The following KAZN variants were observed in gnomAD, a reference collection of about 807,000 sequenced individuals.
The protein encoded by KAZN is kazrin.
Under a neutral mutation model 87.4 loss-of-function variants are expected in KAZN, and 40 were observed. The ratio of observed to expected loss-of-function variants is 0.46; its 90% CI spans 0.36 to 0.60. The LOEUF (loss-of-function observed/expected upper bound fraction) is 0.60. Ranked by LOEUF, KAZN falls within the 20% of genes least tolerant of loss-of-function variation. The probability of loss-of-function intolerance (pLI) is 0.00; values close to 1 mark genes in which losing one functional copy is unlikely to be tolerated. For missense variants in KAZN, 898 were observed against 1,073.9 expected, an observed-to-expected ratio of 0.84 and a Z score of 2.29; for synonymous variants, 466 against 458.3, an observed-to-expected ratio of 1.02 and a Z score of -0.22.
chr1:15,019,879 G>A (rs543901370), intron 2 of KAZN, among the ~76,000 whole-genome samples: 13 of 152,278 alleles, frequency 8.5e-5, no homozygotes, highest in African/African-American at 2.6e-4. Context: ...CATTATTAGT[G>A]CTGGGGAAGC....
At chr1:14,925,248 C>T (rs1193052233) in intron 1 of KAZN, among the ~76,000 whole-genome samples, 1 of 152,140 alleles carries the variant, frequency 6.6e-6, no homozygotes, top group Non-Finnish European at 1.5e-5. Flanking sequence ...CTGCCCCTTC[C>T]CCCCAAGTTA....
intron 1 of KAZN, among the ~76,000 whole-genome samples, chr1:14,866,968 T>C (rs1034084687): frequency 6.6e-6 from 1 of 152,248 alleles, no homozygotes; most frequent in Non-Finnish European, 1.5e-5. Flanking sequence ...GTTATTGTCA[T>C]GGCATAAATT....
intron 2 of KAZN, among the ~76,000 whole-genome samples, chr1:14,503,788 C>T (rs1670399257): frequency 6.6e-6 from 1 of 151,998 alleles, no homozygotes; most frequent in Non-Finnish European, 1.5e-5. Flanking sequence ...TTTGATGAAC[C>T]TATGCTAATA....
intron 1 of KAZN, among the ~76,000 whole-genome samples, chr1:13,953,085 T>G (rs1641414299): frequency 6.6e-6 from 1 of 152,102 alleles, no homozygotes; most frequent in Admixed American, 6.5e-5. Flanking sequence ...GAACAGGCTG[T>G]GGTGGGAACT....
At chr1:14,301,738 G>A (rs936875077) in intron 2 of KAZN, among the ~76,000 whole-genome samples, 4 of 152,104 alleles carry the variant, frequency 2.6e-5, no homozygotes, top group Admixed American at 6.5e-5. Context: ...AGGCATTCAC[G>A]GGAGGCAGGT....
intron 2 of KAZN, among the ~76,000 whole-genome samples, chr1:14,531,657 T>C (rs1672214852): frequency 6.6e-6 from 1 of 152,212 alleles, no homozygotes; most frequent in Admixed American, 6.5e-5. Flanking sequence ...TTGGTTAATT[T>C]ACTTTATCTT....
chr1:14,188,693 A>G (rs988476061), intron 2 of KAZN, among the ~76,000 whole-genome samples: 10 of 152,106 alleles, frequency 6.6e-5, no homozygotes, highest in African/African-American at 2.4e-4. Context: ...TCAATTATGT[A>G]CCCATAGATT....
chr1:15,076,436 C>T (rs893042427), intron 8 of KAZN, among the ~76,000 whole-genome samples: 2 of 152,232 alleles, frequency 1.3e-5, no homozygotes, highest in African/African-American at 4.8e-5. Flanking sequence ...AGCTGTGCAA[C>T]ACCGAGTCCC....
chr1:14,767,953 T>C (rs1644927520), intron 1 of KAZN, among the ~76,000 whole-genome samples: 1 of 152,222 alleles, frequency 6.6e-6, no homozygotes, highest in Non-Finnish European at 1.5e-5. Flanking sequence ...TCAATCTTCC[T>C]TTCCAAGCCT....
At chr1:14,574,443 C>T (rs1675056734) in intron 2 of KAZN, among the ~76,000 whole-genome samples, 1 of 152,102 alleles carries the variant, frequency 6.6e-6, no homozygotes, top group Admixed American at 6.5e-5. Flanking sequence ...GCGATTTCCC[C>T]CATACTGGAC....
At chr1:14,932,081 T>A (rs1334456473) in intron 1 of KAZN, among the ~76,000 whole-genome samples, 1 of 152,128 alleles carries the variant, frequency 6.6e-6, no homozygotes, top group Non-Finnish European at 1.5e-5. Flanking sequence ...CAGCACCCCG[T>A]GTTTCCCGTT....
intron 2 of KAZN, among the ~76,000 whole-genome samples, chr1:14,371,077 C>T (rs911441208): frequency 6.6e-6 from 1 of 152,144 alleles, no homozygotes; most frequent in African/African-American, 2.4e-5. Context: ...GAGCCTCTAG[C>T]ATAGTTGTTC....
chr1:13,962,272 G>A (rs1235134604), intron 1 of KAZN, among the ~76,000 whole-genome samples: 2 of 152,140 alleles, frequency 1.3e-5, no homozygotes, highest in African/African-American at 2.4e-5. Flanking sequence ...CGGAGCAGGA[G>A]GTGAGGCCAG....
At chr1:13,992,725 C>T (rs1639341355) in intron 1 of KAZN, among the ~76,000 whole-genome samples, 1 of 152,072 alleles carries the variant, frequency 6.6e-6, no homozygotes, top group Non-Finnish European at 1.5e-5. Flanking sequence ...TGACGAGCAT[C>T]TTCTTTACTG....
At chr1:14,031,082 A>G (rs1023148254) in intron 1 of KAZN, among the ~76,000 whole-genome samples, 1 of 152,216 alleles carries the variant, frequency 6.6e-6, no homozygotes, top group Non-Finnish European at 1.5e-5. Flanking sequence ...AAGGGTCAAT[A>G]TAGGACATCC....
At chr1:14,952,547 G>A (rs1427306321) in intron 1 of KAZN, among the ~76,000 whole-genome samples, 1 of 152,036 alleles carries the variant, frequency 6.6e-6, no homozygotes, top group Non-Finnish European at 1.5e-5. Flanking sequence ...GCTCTTTAGT[G>A]TACAGTTTGT....
chr1:14,833,969 TCACACACACA>T (rs56000715), intron 1 of KAZN, among the ~76,000 whole-genome samples: 84 of 141,958 alleles, frequency 5.9e-4, no homozygotes, highest in African/African-American at 9.9e-4. Context: ...CCCAAGTCAT[TCACACACACA>T]CACACACACA....
intron 1 of KAZN, among the ~76,000 whole-genome samples, chr1:14,103,644 C>T (rs555201819): frequency 6.6e-6 from 1 of 152,162 alleles, no homozygotes; most frequent in Non-Finnish European, 1.5e-5. Context: ...CCTTTCCAGC[C>T]TTCTCTGCAG....
chr1:14,830,492 G>A (rs1025209052), intron 1 of KAZN, among the ~76,000 whole-genome samples: 3 of 152,158 alleles, frequency 2.0e-5, no homozygotes, highest in African/African-American at 7.2e-5. Flanking sequence ...TTCTCACACT[G>A]TTGTAAAGAA....
Sources: allele counts gnomAD v4.1 joint callset (sites outside exome capture counted in the v4.1 genomes callset), GRCh38; gene constraint gnomAD v4.1.1; transcripts MANE v1.5; gene names NCBI Gene and HGNC (gene_info 2026-07-23, HGNC 2026-07-21).